The following HIVEP3 variants were observed in gnomAD, a reference collection of about 807,000 sequenced individuals.
The protein encoded by HIVEP3 is HIVEP zinc finger 3.
Under a neutral mutation model 152.8 loss-of-function variants are expected in HIVEP3, and 49 were observed. The ratio of observed to expected loss-of-function variants is 0.32; its 90% CI spans 0.26 to 0.41. The LOEUF (loss-of-function observed/expected upper bound fraction) is 0.41, where lower values mean the gene tolerates loss of function less well. HIVEP3 is among the 10% of genes least tolerant of loss of function. The probability of loss-of-function intolerance (pLI) is 1.00; values close to 1 mark genes in which losing one functional copy is unlikely to be tolerated. For synonymous variants in HIVEP3, 1,269 were observed against 1,289.0 expected (o/e 0.98, Z 0.33); for missense variants, 2,790 against 3,103.3 (o/e 0.90, Z 2.40).
intron 1 of HIVEP3, among the ~76,000 whole-genome samples, chr1:41,786,076 G>A (rs1279535560): frequency 2.0e-5 from 3 of 152,176 alleles, no homozygotes; most frequent in African/African-American, 2.4e-5. Flanking sequence ...GACAGCATGC[G>A]AGAGGTGGCA....
At chr1:41,692,721 G>A (rs1228720673) in intron 2 of HIVEP3, among the ~76,000 whole-genome samples, 2 of 152,154 alleles carry the variant, frequency 1.3e-5, no homozygotes, top group Non-Finnish European at 2.9e-5. Flanking sequence ...TGGAATGGAC[G>A]TTCCATACCC....
intron 1 of HIVEP3, among the ~76,000 whole-genome samples, chr1:41,797,131 T>C (rs1052553771): frequency 1.3e-4 from 20 of 152,318 alleles, no homozygotes; most frequent in African/African-American, 4.8e-4. Flanking sequence ...TTTGCAGAAA[T>C]GTGGAGTGTC....
chr1:41,626,678 C>A (rs1645122700), intron 3 of HIVEP3, among the ~76,000 whole-genome samples: 1 of 152,110 alleles, frequency 6.6e-6, no homozygotes, highest in South Asian at 2.1e-4. Flanking sequence ...CTCATGAGAC[C>A]CCTAAATGGC....
chr1:41,606,505 C>T (rs1042122611), intron 3 of HIVEP3, among the ~76,000 whole-genome samples: 1 of 151,934 alleles, frequency 6.6e-6, no homozygotes, highest in Non-Finnish European at 1.5e-5. Flanking sequence ...CCTGCGAAGC[C>T]ACTCAGTATG....
chr1:41,702,680 C>T (rs1646380432), intron 1 of HIVEP3, among the ~76,000 whole-genome samples: 1 of 152,192 alleles, frequency 6.6e-6, no homozygotes, highest in Non-Finnish European at 1.5e-5. Flanking sequence ...CTGTGAGCCC[C>T]TAGGGGCATA....
At chr1:41,556,183 G>A (rs2759252) in intron 5 of HIVEP3, among the ~76,000 whole-genome samples, 42,372 of 152,160 alleles carry the variant, frequency 0.28, 7,278 homozygotes, top group Non-Finnish European at 0.4. Context: ...TTCTATGTTT[G>A]TGATTTTTGA....
At chr1:41,968,516 C>G (rs138963740) in intron 1 of HIVEP3, among the ~76,000 whole-genome samples, 1 of 152,086 alleles carries the variant, frequency 6.6e-6, no homozygotes, top group East Asian at 1.9e-4. Context: ...CATCCCTTCA[C>G]GTTAAAAATT....
intron 1 of HIVEP3, among the ~76,000 whole-genome samples, chr1:42,030,333 G>A (rs1470257287): frequency 1.3e-5 from 2 of 152,062 alleles, no homozygotes. Context: ...CTTCTAATGT[G>A]GCCCAGAGAA....
chr1:41,623,440 A>G (rs1645073445), intron 3 of HIVEP3, among the ~76,000 whole-genome samples: 1 of 152,264 alleles, frequency 6.6e-6, no homozygotes, highest in African/African-American at 2.4e-5. Flanking sequence ...GGGCTATGTA[A>G]ATAAGAAAAA....
chr1:41,512,872 C>G lies in HIVEP3; in HGVS notation c.6349G>C (p.Ala2117Pro). Residue 2117 changes from alanine to proline, a missense_variant, in exon 8 of 9, where the codon GCG becomes CCG. Around this residue, in one of 9 missense-constraint regions of HIVEP3, gnomAD observed 816 missense variants for 806.5 expected, o/e 1.01. Coordinates refer to ENST00000372583, the MANE Select transcript of HIVEP3 (RefSeq NM_024503.5). The part of the protein sequence containing the change: ...GLDPRVLFPP[A>P]PLPHKLLSRS... ...CTGAGGAGCTTGTGAGGTAGAGGCG[C>G]GGGCGGGAAGAGAACCCGTGGGTCC... 1.9e-6 allele frequency: 3 copies of G among 1,553,090 alleles called. No homozygotes were observed. Among genetic ancestry groups the G allele is most frequent in the Non-Finnish European group, 2.6e-6 (3 of 1,145,376 alleles).
chr1:41,846,262 T>A (rs778174479), intron 1 of HIVEP3, among the ~76,000 whole-genome samples: 1 of 152,226 alleles, frequency 6.6e-6, no homozygotes, highest in Admixed American at 6.5e-5. Flanking sequence ...GAAATGTGCA[T>A]GTTACTTTTA....
At position 41,723,638 on chromosome 1, in the gene HIVEP3, C is replaced by A. The variant is rs999975141; in HGVS notation, c.-800-22643G>T. Among the ~76,000 whole-genome samples, 7 of 152,242 alleles carry A rather than the reference C, an allele frequency of 4.6e-5. No individual in the cohort carries two copies. In the East Asian group the frequency reaches 1.3e-3, roughly 29 times the overall value. On this transcript the variant is annotated intron_variant, in intron 1 of 8. Coordinates refer to ENST00000372583, the MANE Select transcript of HIVEP3 (RefSeq NM_024503.5). ...TACATTTCATTTTATTGCCTATGAG[C>A]ACTCATTAGCAGTCAAGCAGTAGCA...
intron 1 of HIVEP3, among the ~76,000 whole-genome samples, chr1:42,020,320 C>T (rs1187400525): frequency 1.3e-5 from 2 of 151,932 alleles, no homozygotes; most frequent in African/African-American, 2.4e-5. Context: ...AAGCCATCTG[C>T]CCCAGAAAAT....
chr1:41,672,470 C>T (rs759503234), intron 2 of HIVEP3, among the ~76,000 whole-genome samples: 4 of 152,220 alleles, frequency 2.6e-5, no homozygotes, highest in Non-Finnish European at 5.9e-5. Flanking sequence ...TGCAGTCCCA[C>T]GTGCCTCTCC....
At chr1:41,603,946 C>T (rs566224260) in intron 3 of HIVEP3, among the ~76,000 whole-genome samples, 62 of 152,256 alleles carry the variant, frequency 4.1e-4, no homozygotes, top group African/African-American at 1.5e-3. Flanking sequence ...AAACAATGCT[C>T]AATACAATTT....
chr1:41,558,831 G>C lies in HIVEP3; in HGVS notation c.5207+16713C>G, dbSNP rs190558754. The stretch of plus-strand genomic sequence containing the variant: ...AACTGCACCTGCCAGCTGGTCACAA[G>C]GCCTAACCCATAGCCTGGCTTCTCC... On this transcript the variant is annotated intron_variant, in intron 5 of 8. Transcript: ENST00000372583. Among the ~76,000 whole-genome samples, 295 of 152,270 alleles carry C rather than the reference G, an allele frequency of 1.9e-3. 1 individual carries two copies. Among genetic ancestry groups the C allele is most frequent in the African/African-American group, 6.7e-3 (277 of 41,556 alleles).
intron 1 of HIVEP3, among the ~76,000 whole-genome samples, chr1:42,025,737 G>T (rs1459368510): frequency 1.3e-5 from 2 of 152,152 alleles, no homozygotes; most frequent in African/African-American, 4.8e-5. Context: ...CATAGCTTGA[G>T]GTTCTCAGAA....
intron 6 of HIVEP3, among the ~76,000 whole-genome samples, chr1:41,523,428 C>G (rs1642817410): frequency 6.6e-6 from 1 of 152,032 alleles, no homozygotes; most frequent in African/African-American, 2.4e-5. Context: ...AAAACCTTGA[C>G]AGGAAAATTT....
In HIVEP3 at chr1:41,582,285, C is replaced by T. The variant is rs200259597; in HGVS notation, c.2513G>A (p.Arg838His). Residue 838 changes from arginine to histidine, a missense_variant, in exon 4 of 9, where the codon CGC becomes CAC. Coordinates refer to ENST00000372583, the MANE Select transcript of HIVEP3 (RefSeq NM_024503.5). This position sits in a 1 kb window ranked among gnomAD's most constrained non-coding sequence, Gnocchi z 4.7. ...FPSPPPAPHG[R>H]SAHSLQPKLV... Reference sequence around the variant, plus strand: ...CTTAGGCTGCAGGGAGTGAGCAGAGCGTCCGTGTGGGGCAGGTGGGGGTGA... The same window carrying T: ...CTTAGGCTGCAGGGAGTGAGCAGAGTGTCCGTGTGGGGCAGGTGGGGGTGA... 2.9e-5 allele frequency: 47 copies of T among 1,614,000 alleles called. 1 individual carries two copies. The highest frequency in any genetic ancestry group is 1.6e-4 in the Middle Eastern group (1 of 6,062).
Sources: allele counts gnomAD v4.1 joint callset (sites outside exome capture counted in the v4.1 genomes callset), GRCh38; gene constraint gnomAD v4.1.1; regional missense constraint gnomAD v4.1.1; non-coding constraint Gnocchi (gnomAD v3.1); transcripts MANE v1.5; gene names NCBI Gene and HGNC (gene_info 2026-07-23, HGNC 2026-07-21).